The following CD72 variants were observed in gnomAD, a reference collection of about 807,000 sequenced individuals.
The protein encoded by CD72 is CD72 molecule.
In CD72, 28 loss-of-function variants were observed where a neutral mutation model predicts 50.7. That is an observed-to-expected ratio of 0.55 (90% CI 0.41 to 0.76). The LOEUF (loss-of-function observed/expected upper bound fraction) is 0.76. Ranked by LOEUF, CD72 falls within the 30% of genes least tolerant of loss-of-function variation. The pLI is 0.00. For missense variants in CD72, 403 were observed against 420.6 expected (o/e 0.96, Z 0.37); for synonymous variants, 176 against 171.2 (o/e 1.03, Z -0.22).
chr9:35,620,553 C>A (rs774680417), upstream of CD72, among the ~76,000 whole-genome samples: 1 of 151,828 alleles, frequency 6.6e-6, no homozygotes, highest in Non-Finnish European at 1.5e-5. Context: ...ATCTCCTGGC[C>A]GGCATGGTGG....
At chr9:35,624,190 C>T (rs987380182), upstream of CD72, among the ~76,000 whole-genome samples, 19 of 148,250 alleles carry the variant, frequency 1.3e-4, 1 homozygote, top group Admixed American at 4.1e-4. Flanking sequence ...CCAGCCTGGG[C>T]GACAAAGGGA....
intron 2 of CD72, among the ~76,000 whole-genome samples, chr9:35,617,466 C>T (rs1004982923): frequency 2.0e-5 from 3 of 152,072 alleles, no homozygotes; most frequent in Non-Finnish European, 2.9e-5. Context: ...CCGGGACCCC[C>T]TCATCTCTCC....
chr9:35,618,868 G>C (rs1317568389), upstream of CD72: 1 of 799,110 alleles, frequency 1.3e-6, no homozygotes, highest in Admixed American at 2.7e-5. Context: ...GAACAGGCCT[G>C]GGCCAGAGGT....
At chr9:35,616,848 G>A in intron 3 of CD72, 159 bp from the exon 4 acceptor site, 1 of 1,001,232 alleles carries the variant, frequency 1.0e-6, no homozygotes, top group East Asian at 2.6e-5. Flanking sequence ...TCGGGTAGCG[G>A]GGTGTTTCGC....
rs1323489287 is a variant in CD72 at position 35,617,237 on chromosome 9, C to T, written c.201G>A (p.Ser67=). 1.3e-6 allele frequency: 2 copies of T among 1,556,896 alleles called. No individual in the cohort carries two copies. The highest frequency in any genetic ancestry group is 1.7e-6 in the Non-Finnish European group (2 of 1,150,478). The change falls in exon 3 of 9, where the codon TCG becomes TCA. Residue 67 remains serine, a synonymous_variant. Transcript: ENST00000259633. Reference sequence around the variant, plus strand: ...CTCTCCAGGACGCAGTTGGCTGCTCCGACTTGACCGCTGTCGAGGGGAGCA... The same window carrying T: ...CTCTCCAGGACGCAGTTGGCTGCTCTGACTTGACCGCTGTCGAGGGGAGCA... ...SVLGDKAAVK[S]EQPTASWRAV... is the part of the protein sequence containing the mutation.
chr9:35,645,856 A>G (rs764859913), intron 1 of CD72, among the ~76,000 whole-genome samples: 19 of 151,520 alleles, frequency 1.3e-4, no homozygotes, highest in African/African-American at 3.9e-4. Flanking sequence ...CTCCCCACCT[A>G]TAAGTAATTT....
chr9:35,617,363 C>A, intron 2 of CD72, 116 bp from the exon 3 acceptor site: 1 of 1,164,394 alleles, frequency 8.6e-7, no homozygotes, highest in African/African-American at 1.6e-5. Context: ...ACGTTGCCTG[C>A]TAGAGCTGCT....
chr9:35,645,430 A>G (rs1185492224), intron 1 of CD72, among the ~76,000 whole-genome samples: 1 of 151,804 alleles, frequency 6.6e-6, no homozygotes, highest in Non-Finnish European at 1.5e-5. Context: ...AAAAATACAA[A>G]AATTAGCAGG....
upstream of CD72, among the ~76,000 whole-genome samples, chr9:35,624,254 AATAAT>A (rs1563897822): frequency 7.0e-6 from 1 of 142,148 alleles, no homozygotes; most frequent in Non-Finnish European, 1.5e-5. Context: ...TAATAATAAT[AATAAT>A]AATAAATTTA....
At chr9:35,630,969 T>C (rs963246399) in intron 1 of CD72, among the ~76,000 whole-genome samples, 2 of 152,204 alleles carry the variant, frequency 1.3e-5, no homozygotes, top group Non-Finnish European at 2.9e-5. Context: ...ATTGAGTTGA[T>C]ACAAAGTGCT....
At chr9:35,628,493 T>A (rs910098583) in intron 1 of CD72, among the ~76,000 whole-genome samples, 1 of 152,216 alleles carries the variant, frequency 6.6e-6, no homozygotes, top group Non-Finnish European at 1.5e-5. Flanking sequence ...AGTGACAGCA[T>A]GAATTTAACA....
chr9:35,631,471 T>C (rs1823245269), intron 1 of CD72, among the ~76,000 whole-genome samples: 1 of 152,250 alleles, frequency 6.6e-6, no homozygotes, highest in Non-Finnish European at 1.5e-5. Context: ...CTAGTCTTTA[T>C]TATATTTAAG....
upstream of CD72, chr9:35,618,920 C>A: frequency 2.5e-6 from 1 of 399,364 alleles, no homozygotes; most frequent in South Asian, 2.0e-5. Context: ...TCTGGAAAGG[C>A]AAGTGGCAGC....
At chr9:35,622,532 C>G (rs547427555), upstream of CD72, among the ~76,000 whole-genome samples, 1 of 152,102 alleles carries the variant, frequency 6.6e-6, no homozygotes, top group Non-Finnish European at 1.5e-5. Context: ...CGATGGCTCA[C>G]GCCTGTTATC....
At chr9:35,619,872 G>A (rs1326802540), upstream of CD72, among the ~76,000 whole-genome samples, 2 of 152,316 alleles carry the variant, frequency 1.3e-5, no homozygotes, top group East Asian at 1.9e-4. Flanking sequence ...GATCCTACAA[G>A]TATTTCCTTT....
chr9:35,624,214 A>AAATAATAAT (rs58480562), upstream of CD72, among the ~76,000 whole-genome samples: 3 of 137,854 alleles, frequency 2.2e-5, no homozygotes, highest in Admixed American at 1.5e-4. Flanking sequence ...TCTGTCTCAA[A>AAATAATAAT]AATAATAATA....
intron 1 of CD72, among the ~76,000 whole-genome samples, chr9:35,644,516 G>C (rs941490599): frequency 2.6e-5 from 4 of 152,146 alleles, no homozygotes; most frequent in African/African-American, 9.7e-5. Context: ...AAGATTGGAA[G>C]AGAGTCCTTG....
chr9:35,615,873 A>T, intron 5 of CD72, 70 bp downstream of exon 5: 1 of 1,260,006 alleles, frequency 7.9e-7, no homozygotes, highest in Non-Finnish European at 1.1e-6. Context: ...CCTGGGTGAT[A>T]GACTCCTGCC....
intron 1 of CD72, among the ~76,000 whole-genome samples, chr9:35,625,435 T>G (rs1195334494): frequency 6.6e-6 from 1 of 152,204 alleles, no homozygotes; most frequent in Non-Finnish European, 1.5e-5. Flanking sequence ...CAGCAGAGGT[T>G]GGTTCCTGAG....
Sources: allele counts gnomAD v4.1 joint callset (sites outside exome capture counted in the v4.1 genomes callset), GRCh38; gene constraint gnomAD v4.1.1; transcripts MANE v1.5; gene names NCBI Gene and HGNC (gene_info 2026-07-23, HGNC 2026-07-21).